RNF10: variants seen among roughly 807,000 people sequenced by gnomAD.
RNF10 encodes the protein E3 ubiquitin-protein ligase RNF10.
Under a neutral mutation model 91.4 loss-of-function variants are expected in RNF10, and 38 were observed. The observed-to-expected ratio is 0.42, with a 90% confidence interval of 0.32 to 0.54. The LOEUF is 0.54. Among genes scored for constraint, RNF10 ranks in the 20% least tolerant of loss-of-function variants. The pLI, the probability that RNF10 is intolerant of heterozygous loss-of-function variation, is 0.16. For missense variants in RNF10, 945 were observed against 1,012.0 expected, an observed-to-expected ratio of 0.93 and a Z score of 0.90; for synonymous variants, 364 against 366.3, an observed-to-expected ratio of 0.99 and a Z score of 0.07.
chr12:120,556,511 A>T (rs1301663878), intron 4 of RNF10, among the ~76,000 whole-genome samples: 1 of 130,548 alleles, frequency 7.7e-6, no homozygotes, highest in Admixed American at 8.5e-5. Flanking sequence ...AGCCTGGGTG[A>T]CAGAGTGAGA....
chr12:120,556,401 G>T (rs1874017615), intron 4 of RNF10, among the ~76,000 whole-genome samples: 1 of 151,150 alleles, frequency 6.6e-6, no homozygotes, highest in Non-Finnish European at 1.5e-5. Flanking sequence ...CGCAGTGGCG[G>T]GTACCTGTAG....
intron 13 of RNF10, among the ~76,000 whole-genome samples, chr12:120,567,733 G>A (rs1217447359): frequency 6.7e-6 from 1 of 149,820 alleles, no homozygotes; most frequent in African/African-American, 2.4e-5. Context: ...ACCTGTTAAA[G>A]AAGGGAATGT....
chr12:120,540,840 T>C (rs929112262), intron 1 of RNF10, among the ~76,000 whole-genome samples: 29 of 143,172 alleles, frequency 2.0e-4, no homozygotes, highest in African/African-American at 6.9e-4. Flanking sequence ...TCTTGCTGAG[T>C]GCCAGTTTAC....
intron 1 of RNF10, among the ~76,000 whole-genome samples, chr12:120,538,887 C>T (rs148757034): frequency 3.8e-3 from 583 of 152,236 alleles, no homozygotes; most frequent in South Asian, 9.1e-3. Flanking sequence ...TTGAAGAATG[C>T]CTCTGAGCTG....
rs752601268 is a variant in RNF10, at chr12:120,534,827, C to A, written c.16C>A (p.Pro6Thr). 3.1e-6 allele frequency: 5 copies of A among 1,591,842 alleles called. No homozygotes were observed. Among genetic ancestry groups the A allele is most frequent in the Non-Finnish European group, 2.6e-6 (3 of 1,174,502 alleles). ...GCCCCCGTTGATGCCGCTGAGCTCC[C>A]CCAACGCCGCCGCCACCGCCTCCGA... MPLSS[P>T]NAAATASDMD... Residue 6 changes from proline to threonine, a missense_variant, in exon 1 of 17, where the codon CCC (proline) becomes ACC (threonine). Physicochemically the swap from Pro to Thr is conservative, Grantham distance 38. Coordinates refer to ENST00000325954, the MANE Select transcript of RNF10 (RefSeq NM_014868.5).
At chr12:120,572,106 C>T (rs1181755252) in intron 14 of RNF10, among the ~76,000 whole-genome samples, 1 of 151,524 alleles carries the variant, frequency 6.6e-6, no homozygotes, top group Non-Finnish European at 1.5e-5. Context: ...TCTCCCTGTC[C>T]CCCAGGCTGG....
chr12:120,537,521 G>T (rs1008138080), intron 1 of RNF10, among the ~76,000 whole-genome samples: 5 of 151,968 alleles, frequency 3.3e-5, no homozygotes, highest in African/African-American at 1.2e-4. Flanking sequence ...CCAGCTACTC[G>T]GGGGGCTGAG....
chr12:120,549,905 G>C (rs1352103493), intron 2 of RNF10, among the ~76,000 whole-genome samples: 1 of 152,150 alleles, frequency 6.6e-6, no homozygotes, highest in Non-Finnish European at 1.5e-5. Flanking sequence ...TCCTAGTGGG[G>C]GTAAAGAATT....
At chr12:120,560,364 G>A (rs1243496692) in intron 6 of RNF10, among the ~76,000 whole-genome samples, 1 of 151,970 alleles carries the variant, frequency 6.6e-6, no homozygotes, top group African/African-American at 2.4e-5. Flanking sequence ...ATGTTGGTCA[G>A]GCTGGTCTCG....
chr12:120,575,601 C>T, intron 14 of RNF10, 30 bp from the exon 15 acceptor site: 1 of 1,613,806 alleles, frequency 6.2e-7, no homozygotes, highest in African/African-American at 1.3e-5. Context: ...TACTTAAATT[C>T]TCTCCCCCAC....
At chr12:120,573,461 A>G (rs940601168) in intron 14 of RNF10, among the ~76,000 whole-genome samples, 4 of 152,176 alleles carry the variant, frequency 2.6e-5, no homozygotes, top group African/African-American at 9.7e-5. Context: ...TTTGGTAAGA[A>G]TAAGACATAG....
chr12:120,534,911 C>T lies in RNF10; in HGVS notation c.100C>T (p.Gln34Ter). ...SSASSGSSKG[Q>*]QPPRSASAGP... ...CGCCTCTTCGGGCAGCAGCAAAGGG[C>T]AACAGCCGCCCCGCTCCGCCTCGGC... is the stretch of plus-strand genomic sequence containing the variant. The change falls in exon 1 of 17, where the codon CAA (glutamine) becomes TAA (stop). Residue 34 changes from glutamine to a stop codon, truncating the protein, a stop_gained. Transcript: ENST00000325954. LOFTEE classifies it high-confidence loss of function. 1 of 1,607,178 alleles carries T rather than the reference C, an allele frequency of 6.2e-7. No homozygotes were observed. Among genetic ancestry groups the T allele is most frequent in the Non-Finnish European group, 8.5e-7 (1 of 1,179,534 alleles).
intron 14 of RNF10, chr12:120,574,643 TGGCTG>T: frequency 2.4e-6 from 1 of 415,294 alleles, no homozygotes; most frequent in South Asian, 1.7e-5. Flanking sequence ...GGAGGGTACT[TGGCTG>T]GGCACGGTGT....
Position 120,562,953 on chromosome 12 carries a change from A to G in RNF10, c.1137A>G (p.Glu379=), listed in dbSNP as rs1347120081. 6.2e-7 allele frequency: 1 copy of G among 1,614,054 alleles called. No individual in the cohort carries two copies. The highest frequency in any genetic ancestry group is 8.5e-7 in the Non-Finnish European group (1 of 1,179,954). ...CTCTCTGGCCACGTTAGACTCGGGAAGAGGCTCTGTCGGGATTGGCCGGAA... is the reference window on the plus strand; with the variant it reads ...CTCTCTGGCCACGTTAGACTCGGGAGGAGGCTCTGTCGGGATTGGCCGGAA... ...EAAIQELKTR[E]EALSGLAGSR... Residue 379 remains glutamate, a synonymous_variant, in exon 8 of 17, where the codon GAA becomes GAG. Coordinates refer to ENST00000325954, the MANE Select transcript of RNF10 (RefSeq NM_014868.5).
chr12:120,576,177 T>G (rs559573698), intron 16 of RNF10, among the ~76,000 whole-genome samples: 1 of 152,358 alleles, frequency 6.6e-6, no homozygotes, highest in South Asian at 2.1e-4. Context: ...TGAGGAACTC[T>G]TCCAAGATAC....
At chr12:120,541,696 A>G (rs1390240386) in intron 1 of RNF10, among the ~76,000 whole-genome samples, 6 of 150,488 alleles carry the variant, frequency 4.0e-5, no homozygotes, top group Non-Finnish European at 8.9e-5. Context: ...GGCCTCCCAA[A>G]GTGCTGGGAT....
At chr12:120,575,435 G>C in intron 14 of RNF10, 196 bp from the exon 15 acceptor site, 1 of 610,490 alleles carries the variant, frequency 1.6e-6, no homozygotes, top group Non-Finnish European at 2.9e-6. Flanking sequence ...ACTACCTTGT[G>C]GGTTTCATTG....
At chr12:120,567,632 C>T (rs769959834) in intron 13 of RNF10, among the ~76,000 whole-genome samples, 29 of 149,100 alleles carry the variant, frequency 1.9e-4, no homozygotes, top group Non-Finnish European at 3.4e-4. Flanking sequence ...ACCTGGGAGG[C>T]GGAGGTCTCA....
At chr12:120,543,076 G>C (rs1871804147) in intron 1 of RNF10, among the ~76,000 whole-genome samples, 1 of 151,972 alleles carries the variant, frequency 6.6e-6, no homozygotes, top group Non-Finnish European at 1.5e-5. Flanking sequence ...TTCAAAATTT[G>C]GTCTCTGATT....
Sources: allele counts gnomAD v4.1 joint callset (sites outside exome capture counted in the v4.1 genomes callset), GRCh38; gene constraint gnomAD v4.1.1; transcripts MANE v1.5; gene names NCBI Gene and HGNC (gene_info 2026-07-23, HGNC 2026-07-21).